FGF12: variants seen among roughly 807,000 people sequenced by gnomAD.
FGF12 encodes fibroblast growth factor 12.
FGF12 carries 14 observed loss-of-function variants against 23.6 expected under a neutral mutation model. The ratio of observed to expected loss-of-function variants is 0.59; its 90% CI spans 0.39 to 0.93. FGF12 has a LOEUF of 0.93. FGF12 is among the 40% of genes least tolerant of loss of function. The pLI is 0.00. For synonymous variants in FGF12, 62 were observed against 77.3 expected, an observed-to-expected ratio of 0.80 and a Z score of 1.04; for missense variants, 175 against 217.8, an observed-to-expected ratio of 0.80 and a Z score of 1.24.
chr3:192,621,171 C>A (rs1267902342), intron 2 of FGF12, among the ~76,000 whole-genome samples: 1 of 152,156 alleles, frequency 6.6e-6, no homozygotes, highest in Non-Finnish European at 1.5e-5. Context: ...TTTTCCCTCA[C>A]CTTTCCTGCC....
rs144907727 is a variant in FGF12, at chr3:192,530,267, C to T, written c.14-169729G>A. 6.8e-3 allele frequency among the ~76,000 whole-genome samples: 1,041 copies of T among 152,192 alleles called. 13 individuals carry two copies. Among genetic ancestry groups the T allele is most frequent in the African/African-American group, 0.024 (1,007 of 41,522 alleles). On this transcript the variant is annotated intron_variant, in intron 2 of 5. Coordinates refer to ENST00000445105, the MANE Select transcript of FGF12 (RefSeq NM_004113.6). Reference sequence around the variant, plus strand: ...CAACCCTTACATTTACTGGATGAGACGACTGCTCCTTCTTTCAGTGGTTTT... The same window carrying T: ...CAACCCTTACATTTACTGGATGAGATGACTGCTCCTTCTTTCAGTGGTTTT...
chr3:192,526,961 G>A (rs936103161), intron 2 of FGF12, among the ~76,000 whole-genome samples: 2 of 152,154 alleles, frequency 1.3e-5, no homozygotes, highest in African/African-American at 2.4e-5. Flanking sequence ...AGAAATGCAA[G>A]CCAGGAGAAA....
intron 2 of FGF12, among the ~76,000 whole-genome samples, chr3:192,470,059 T>C (rs1210619117): frequency 6.6e-6 from 1 of 152,208 alleles, no homozygotes; most frequent in Non-Finnish European, 1.5e-5. Flanking sequence ...TGATGTGTGA[T>C]GCGCTGGAGA....
At chr3:192,241,116 A>G (rs1719595204) in intron 4 of FGF12, among the ~76,000 whole-genome samples, 8 of 152,222 alleles carry the variant, frequency 5.3e-5, no homozygotes, top group Admixed American at 5.2e-4. Flanking sequence ...TTAACATGTA[A>G]GAATTCAGGG....
At chr3:192,186,357 T>G (rs1407950212) in intron 4 of FGF12, among the ~76,000 whole-genome samples, 2 of 152,246 alleles carry the variant, frequency 1.3e-5, no homozygotes, top group African/African-American at 4.8e-5. Context: ...CATGACTACG[T>G]GGTGCCACCA....
chr3:192,457,887 G>A (rs573999510), intron 2 of FGF12, among the ~76,000 whole-genome samples: 99 of 152,320 alleles, frequency 6.5e-4, no homozygotes, highest in African/African-American at 2.3e-3. Flanking sequence ...AGAAAAAAGT[G>A]GTTTTGTGGG....
intron 2 of FGF12, among the ~76,000 whole-genome samples, chr3:192,511,910 A>AAT (rs1360626034): frequency 6.6e-6 from 1 of 152,192 alleles, no homozygotes; most frequent in Non-Finnish European, 1.5e-5. Flanking sequence ...CCGGAGCAAT[A>AAT]ATATATTTTA....
chr3:192,522,337 TATAAC>T (rs1180880688), intron 2 of FGF12, among the ~76,000 whole-genome samples: 1 of 152,162 alleles, frequency 6.6e-6, no homozygotes, highest in Non-Finnish European at 1.5e-5. Flanking sequence ...AGATAGAAGA[TATAAC>T]TTACTTTTAA....
At chr3:192,146,167 A>G (rs1421117215) in intron 5 of FGF12, among the ~76,000 whole-genome samples, 1 of 152,206 alleles carries the variant, frequency 6.6e-6, no homozygotes, top group African/African-American at 2.4e-5. Context: ...CAATGAATTT[A>G]CAAAAATCTC....
intron 2 of FGF12, among the ~76,000 whole-genome samples, chr3:192,656,366 T>C (rs926473088): frequency 1.3e-5 from 2 of 151,314 alleles, no homozygotes; most frequent in African/African-American, 4.9e-5. Flanking sequence ...CAAAGCCTCA[T>C]AGCACAAAAG....
At chr3:192,693,345 C>T (rs1040014693) in intron 2 of FGF12, among the ~76,000 whole-genome samples, 9 of 152,000 alleles carry the variant, frequency 5.9e-5, no homozygotes, top group Admixed American at 3.3e-4. Flanking sequence ...AATTTTTATA[C>T]TCAAAGCAAT....
At chr3:192,517,627 G>A (rs1452136951) in intron 2 of FGF12, among the ~76,000 whole-genome samples, 2 of 152,106 alleles carry the variant, frequency 1.3e-5, no homozygotes, top group Admixed American at 6.5e-5. Context: ...CAGAGGGCAC[G>A]TAACATTTTA....
chr3:192,433,341 G>A (rs1279849828), intron 2 of FGF12, among the ~76,000 whole-genome samples: 1 of 152,156 alleles, frequency 6.6e-6, no homozygotes. Context: ...AACAAGTTTT[G>A]TGTGGCCTGA....
intron 2 of FGF12, among the ~76,000 whole-genome samples, chr3:192,521,713 T>A (rs2108846194): frequency 6.6e-6 from 1 of 152,046 alleles, no homozygotes; most frequent in South Asian, 2.1e-4. Flanking sequence ...TCTCCCCGCC[T>A]CCCCCAAAGC....
chr3:192,549,503 C>A (rs975136183), intron 2 of FGF12, among the ~76,000 whole-genome samples: 4 of 152,036 alleles, frequency 2.6e-5, no homozygotes, highest in Non-Finnish European at 1.5e-5. Context: ...AGGATAAAAT[C>A]ACATTTGAAA....
chr3:192,373,050 A>C (rs1407075783), intron 2 of FGF12, among the ~76,000 whole-genome samples: 1 of 151,970 alleles, frequency 6.6e-6, no homozygotes. Flanking sequence ...TAGGCCTCCA[A>C]CCTAAATCTG....
chr3:192,490,660 G>C (rs78124870), intron 2 of FGF12, among the ~76,000 whole-genome samples: 9,442 of 152,064 alleles, frequency 0.062, 1,011 homozygotes, highest in African/African-American at 0.22. Context: ...AAATGGACAT[G>C]AGTGGTAAAA....
rs569144883 is a variant in FGF12, at chr3:192,666,207, G to A, written c.13+60974C>T. ...TTCTTTTTCATAATCAATTAAGGAT[G>A]CTTTCTTGAGTTTCATATCTGTTTT... On this transcript the variant is annotated intron_variant, in intron 2 of 5. Coordinates refer to ENST00000445105, the MANE Select transcript of FGF12 (RefSeq NM_004113.6). Among the ~76,000 whole-genome samples, 4 of 152,194 alleles carry A rather than the reference G, an allele frequency of 2.6e-5. No homozygotes were observed. In the South Asian group the frequency reaches 8.3e-4, roughly 32 times the overall value.
intron 3 of FGF12, among the ~76,000 whole-genome samples, chr3:192,339,393 T>A (rs1157411859): frequency 6.6e-6 from 1 of 152,152 alleles, no homozygotes; most frequent in Non-Finnish European, 1.5e-5. Flanking sequence ...GTCCCTTGCA[T>A]CCTCTTAAGC....
Sources: allele counts gnomAD v4.1 joint callset (sites outside exome capture counted in the v4.1 genomes callset), GRCh38; gene constraint gnomAD v4.1.1; transcripts MANE v1.5; gene names NCBI Gene and HGNC (gene_info 2026-07-23, HGNC 2026-07-21).